Variants in ADAMTSL1 observed in about 807,000 individuals in gnomAD.
The protein encoded by ADAMTSL1 is ADAMTS-like protein 1.
ADAMTSL1 carries 126 observed loss-of-function variants against 201.8 expected under a neutral mutation model. That is an observed-to-expected ratio of 0.62 (90% CI 0.54 to 0.72). ADAMTSL1 has a LOEUF of 0.72. Ranked by LOEUF, ADAMTSL1 falls within the 30% of genes least tolerant of loss-of-function variation. ADAMTSL1 has a pLI of 0.00. For synonymous variants in ADAMTSL1, 1,121 were observed against 903.4 expected, an observed-to-expected ratio of 1.24 and a Z score of -4.32; for missense variants, 2,679 against 2,277.8, an observed-to-expected ratio of 1.18 and a Z score of -3.59.
intron 1 of ADAMTSL1, among the ~76,000 whole-genome samples, chr9:18,009,614 A>G (rs910050890): frequency 6.6e-6 from 1 of 152,042 alleles, no homozygotes. Context: ...AAAAATTTAT[A>G]TAATGAGAGA....
rs1821132979 is a variant in ADAMTSL1 at position 18,777,608 on chromosome 9, A to T, written c.3379A>T (p.Thr1127Ser). The T allele has an allele frequency of 8.7e-6, 14 of 1,613,444 alleles. No individual in the cohort carries two copies. Among genetic ancestry groups the T allele is most frequent in the Non-Finnish European group, 1.1e-5 (13 of 1,179,754 alleles). The change falls in exon 19 of 29, where the codon ACT becomes TCT. Residue 1127 changes from threonine (T) to serine (S), a missense_variant. Thr to Ser is a moderately conservative substitution (Grantham distance 58). Transcript: ENST00000380548. ...GCTCCTGAAGCCCTCGGAGCGCAGG[A>T]CTTCCCCAGTGACTCTCTCGCCTCA... The part of the protein sequence containing the change: ...DTLLKPSERR[T>S]SPVTLSPHKH...
At chr9:17,984,315 C>G (rs1423084893) in intron 1 of ADAMTSL1, among the ~76,000 whole-genome samples, 2 of 151,860 alleles carry the variant, frequency 1.3e-5, no homozygotes, top group African/African-American at 4.8e-5. Flanking sequence ...TGTATCCTTC[C>G]CAATGACTAG....
At chr9:18,089,450 C>A (rs1184368573) in intron 1 of ADAMTSL1, among the ~76,000 whole-genome samples, 2 of 148,890 alleles carry the variant, frequency 1.3e-5, no homozygotes, top group Non-Finnish European at 3.0e-5. Context: ...GAACATCACA[C>A]ACTGGGGCCT....
intron 5 of ADAMTSL1, 77 bp from the exon 6 acceptor site, chr9:18,635,866 G>C (rs1827078150): frequency 2.9e-5 from 35 of 1,227,828 alleles, no homozygotes; most frequent in Non-Finnish European, 3.9e-5. Flanking sequence ...ATGGAAGTCA[G>C]TGCCTTTATT....
intron 2 of ADAMTSL1, among the ~76,000 whole-genome samples, chr9:18,289,866 A>G (rs1833181407): frequency 6.6e-6 from 1 of 152,210 alleles, no homozygotes; most frequent in South Asian, 2.1e-4. Flanking sequence ...CCAGTTTATA[A>G]TTCAAAGGAA....
At chr9:18,412,543 C>A (rs1818489439) in intron 2 of ADAMTSL1, among the ~76,000 whole-genome samples, 1 of 152,138 alleles carries the variant, frequency 6.6e-6, no homozygotes, top group Admixed American at 6.5e-5. Context: ...ATGCTTCATT[C>A]TTTTCCTTTA....
intron 2 of ADAMTSL1, among the ~76,000 whole-genome samples, chr9:18,417,367 G>GAAAAAAAAAAAAAAAGAAAAAAAAA (rs80226819): frequency 1.5e-5 from 1 of 64,696 alleles, no homozygotes; most frequent in East Asian, 3.7e-4. Flanking sequence ...AAGTAAGCAG[G>GAAAAAAAAAAAAAAAGAAAAAAAAA]AAAAAAAAAA....
chr9:18,259,628 C>G (rs115774962), intron 2 of ADAMTSL1, among the ~76,000 whole-genome samples: 2,602 of 152,260 alleles, frequency 0.017, 76 homozygotes, highest in African/African-American at 0.06. Flanking sequence ...CCCCTCTCCC[C>G]CCATCACACC....
At chr9:17,964,848 A>G (rs1159785975) in intron 1 of ADAMTSL1, among the ~76,000 whole-genome samples, 2 of 152,052 alleles carry the variant, frequency 1.3e-5, no homozygotes, top group Non-Finnish European at 2.9e-5. Context: ...ACATTTAAGC[A>G]TTTACTTCAT....
At chr9:18,366,000 A>G (rs1218912585) in intron 2 of ADAMTSL1, among the ~76,000 whole-genome samples, 4 of 152,200 alleles carry the variant, frequency 2.6e-5, no homozygotes, top group Non-Finnish European at 4.4e-5. Context: ...TGCCCTGTCC[A>G]TGGAAAAATT....
chr9:18,416,202 A>G (rs1463110722), intron 2 of ADAMTSL1, among the ~76,000 whole-genome samples: 2 of 152,094 alleles, frequency 1.3e-5, no homozygotes, highest in Non-Finnish European at 1.5e-5. Context: ...CGACATTTAA[A>G]CAAAACTAGC....
At chr9:18,099,335 ATATATATATATATATATATAT>A (rs1243668062) in intron 1 of ADAMTSL1, among the ~76,000 whole-genome samples, 1 of 42,094 alleles carries the variant, frequency 2.4e-5, no homozygotes, top group Admixed American at 2.2e-4. Context: ...AAATATATAT[ATATATATATATATATATATAT>A]TTTTTTTTTT....
intron 8 of ADAMTSL1, among the ~76,000 whole-genome samples, chr9:18,660,165 C>T (rs935469048): frequency 1.2e-4 from 18 of 152,138 alleles, no homozygotes; most frequent in Admixed American, 3.3e-4. Flanking sequence ...CAAAGGAAAC[C>T]TTAACTATGA....
At chr9:18,568,045 A>T (rs1822047786) in intron 3 of ADAMTSL1, among the ~76,000 whole-genome samples, 1 of 152,156 alleles carries the variant, frequency 6.6e-6, no homozygotes, top group African/African-American at 2.4e-5. Flanking sequence ...CTCTCAAAAT[A>T]TCTTATTGTA....
At chr9:17,983,012 C>T (rs1588520231) in intron 1 of ADAMTSL1, among the ~76,000 whole-genome samples, 1 of 149,566 alleles carries the variant, frequency 6.7e-6, no homozygotes, top group East Asian at 1.9e-4. Context: ...ATTAGTACTT[C>T]CTCCCTCCCC....
chr9:18,574,258 T>C lies in ADAMTSL1; in HGVS notation c.466T>C (p.Leu156=). The C allele has an allele frequency of 1.2e-6, 2 of 1,613,748 alleles. No individual in the cohort carries two copies. Among genetic ancestry groups the C allele is most frequent in the Non-Finnish European group, 1.7e-6 (2 of 1,179,626 alleles). ...ATCTTTGGATATGTGCATCAGTGGT[T>C]TATGCCAAGTAAGTGCTGATTTGTT... ...TESLDMCISG[L]CQIVGCDHQL... The change falls in exon 4 of 29, where the codon TTA becomes CTA. Residue 156 remains leucine, a synonymous_variant. Coordinates refer to ENST00000380548, the MANE Select transcript of ADAMTSL1 (RefSeq NM_001040272.6).
chr9:17,955,108 G>A (rs890765763), intron 1 of ADAMTSL1, among the ~76,000 whole-genome samples: 1 of 152,112 alleles, frequency 6.6e-6, no homozygotes, highest in Non-Finnish European at 1.5e-5. Context: ...ACGATATATC[G>A]TGTGCATAGA....
chr9:18,330,580 C>T (rs1461814201), intron 2 of ADAMTSL1, among the ~76,000 whole-genome samples: 2 of 152,094 alleles, frequency 1.3e-5, no homozygotes, highest in East Asian at 3.9e-4. Flanking sequence ...CAAGTGTGTG[C>T]CAGGTGTTTT....
intron 1 of ADAMTSL1, among the ~76,000 whole-genome samples, chr9:17,983,739 T>C (rs1818815587): frequency 6.6e-6 from 1 of 152,180 alleles, no homozygotes; most frequent in African/African-American, 2.4e-5. Flanking sequence ...ACAATATTTA[T>C]GTCTAATTGA....
Sources: gnomAD v4.1 joint callset for allele counts (sites outside exome capture counted in the v4.1 genomes callset) on GRCh38, gnomAD v4.1.1 for gene constraint, MANE v1.5 for transcripts, NCBI Gene and HGNC (gene_info 2026-07-23, HGNC 2026-07-21) for gene names.